E2F7: variants seen among roughly 807,000 people sequenced by gnomAD.
The protein encoded by E2F7 is E2F transcription factor 7.
In E2F7, 35 loss-of-function variants were observed where a neutral mutation model predicts 81.1. The ratio of observed to expected loss-of-function variants is 0.43; its 90% confidence interval spans 0.33 to 0.57. The LOEUF is 0.57. Among genes scored for constraint, E2F7 ranks in the 20% least tolerant of loss-of-function variants. The probability of loss-of-function intolerance (pLI) is 0.04; values close to 1 mark genes in which losing one functional copy is unlikely to be tolerated. For missense variants in E2F7, 961 were observed against 1,093.7 expected, an observed-to-expected ratio of 0.88 and a Z score of 1.71; for synonymous variants, 416 against 416.2, an observed-to-expected ratio of 1.00 and a Z score of 0.01.
chr12:77,064,934 T>G (rs746269009), intron 1 of E2F7, among the ~76,000 whole-genome samples: 3 of 152,166 alleles, frequency 2.0e-5, no homozygotes, highest in Non-Finnish European at 2.9e-5. Flanking sequence ...GGAAGGGTGT[T>G]GGGCAAATCT....
chr12:77,033,436 T>C (rs1954822542), intron 8 of E2F7, among the ~76,000 whole-genome samples: 1 of 152,122 alleles, frequency 6.6e-6, no homozygotes, highest in Non-Finnish European at 1.5e-5. Context: ...TCTTTAAGTC[T>C]GAGAGGTCAA....
intron 4 of E2F7, among the ~76,000 whole-genome samples, chr12:77,047,767 C>T (rs1203014994): frequency 6.6e-6 from 1 of 152,234 alleles, no homozygotes; most frequent in Non-Finnish European, 1.5e-5. Flanking sequence ...GTTACCCTCA[C>T]AAGCTCAGGC....
At chr12:77,044,506 T>G (rs546770996) in intron 6 of E2F7, 131 bp downstream of exon 6, 72 of 1,188,852 alleles carry the variant, frequency 6.1e-5, no homozygotes, top group Non-Finnish European at 7.8e-5. Context: ...CCAAAAACCT[T>G]GATGAATGCA....
intron 7 of E2F7, among the ~76,000 whole-genome samples, chr12:77,038,244 G>A (rs310789): frequency 0.81 from 122,504 of 152,064 alleles, 49,603 homozygotes; most frequent in African/African-American, 0.83. Flanking sequence ...TGCTAGAACA[G>A]GTAAACATAA....
intron 2 of E2F7, among the ~76,000 whole-genome samples, chr12:77,062,791 G>T (rs887616054): frequency 6.6e-6 from 1 of 151,192 alleles, no homozygotes; most frequent in South Asian, 2.1e-4. Context: ...ATCCAAATTG[G>T]AAAGGAAAAC....
rs1267062417 is a variant in E2F7 at position 77,055,915 on chromosome 12, C to T, written c.309G>A (p.Lys103=). Residue 103 remains lysine (K), a synonymous_variant, in exon 3 of 13, where the codon AAG becomes AAA. Transcript: ENST00000322886. The part of the protein sequence containing the change: ...AASPDIRDRE[K]KKGLFRPIEN... ...CAATGGGTCGGAATAGTCCCTTTTT[C>T]TTCTCCCGGTCCCTTATATCTGGGC... The T allele has an allele frequency of 2.5e-6, 4 of 1,613,780 alleles. No homozygotes were observed. The highest frequency in any genetic ancestry group is 3.4e-6 in the Non-Finnish European group (4 of 1,179,890).
rs142051653 is a variant in E2F7, at chr12:77,056,773, C to T, written c.94-643G>A. Among the ~76,000 whole-genome samples, 582 of 152,234 alleles carry T rather than the reference C, an allele frequency of 3.8e-3. 6 individuals carry two copies. Among genetic ancestry groups the T allele is most frequent in the Non-Finnish European group, 2.9e-3 (200 of 68,022 alleles). On this transcript the variant is annotated intron_variant, in intron 2 of 12. Transcript: ENST00000322886. Reference sequence around the variant, plus strand: ...CACAACTCCCACCAGATGTGATTTGCCATTTGAGTTTGTCACTCAAACTGA... The same window carrying T: ...CACAACTCCCACCAGATGTGATTTGTCATTTGAGTTTGTCACTCAAACTGA...
intron 3 of E2F7, among the ~76,000 whole-genome samples, chr12:77,051,547 T>C (rs922480566): frequency 6.6e-6 from 1 of 152,106 alleles, no homozygotes; most frequent in Non-Finnish European, 1.5e-5. Flanking sequence ...AATGATGAGT[T>C]AATGGGTGCA....
chr12:77,025,085 TACACAC>T (rs1487569825), intron 12 of E2F7, among the ~76,000 whole-genome samples: 5 of 152,256 alleles, frequency 3.3e-5, no homozygotes, highest in African/African-American at 9.6e-5. Context: ...ACAGACATTA[TACACAC>T]ACACAGTCTC....
chr12:77,042,761 G>A (rs1020208374), intron 7 of E2F7, among the ~76,000 whole-genome samples: 1 of 152,144 alleles, frequency 6.6e-6, no homozygotes, highest in African/African-American at 2.4e-5. Flanking sequence ...TTCAAAAGAG[G>A]TGTCATTTTT....
rs746204124 is a variant in E2F7 at position 77,037,901 on chromosome 12, TG to T, written c.1124-3860del. Among the ~76,000 whole-genome samples, 5 of 152,200 alleles carry T rather than the reference TG, an allele frequency of 3.3e-5. No homozygotes were observed. The South Asian group carries it at 1.0e-3, about 32-fold the overall frequency. On this transcript the variant is annotated intron_variant, in intron 7 of 12. Coordinates refer to ENST00000322886, the MANE Select transcript of E2F7 (RefSeq NM_203394.3). ...GATTTAAAAAAATTCAACTATATAC[TG>T]CCCACCAGACACTCACATTAAATAG...
intron 7 of E2F7, among the ~76,000 whole-genome samples, chr12:77,035,404 G>A (rs1201954949): frequency 1.3e-5 from 2 of 152,204 alleles, no homozygotes; most frequent in East Asian, 3.9e-4. Context: ...AGGGTACAAT[G>A]CAGCTCATAT....
At position 77,043,243 on chromosome 12, in the gene E2F7, C is replaced by G. The variant is rs759340916; in HGVS notation, c.989-44G>C. 95 of 1,610,598 alleles carry G rather than the reference C, an allele frequency of 5.9e-5. No homozygotes were observed. The East Asian group carries it at 1.8e-3, about 31-fold the overall frequency. On this transcript the variant is annotated intron_variant, in intron 6 of 12. Coordinates refer to ENST00000322886, the MANE Select transcript of E2F7 (RefSeq NM_203394.3). ...GATTACGGTCATGCTGCCTGTGACA[C>G]CATGACAGTTTAGTTTATGTGACAG...
intron 11 of E2F7, among the ~76,000 whole-genome samples, chr12:77,027,497 C>G (rs113648299): frequency 0.012 from 1,826 of 152,306 alleles, 23 homozygotes; most frequent in African/African-American, 0.041. Context: ...CCAGACCTGG[C>G]ACTTGGCCAC....
At position 77,044,659 on chromosome 12, in the gene E2F7, G is replaced by A. The variant is rs759377165; in HGVS notation, c.966C>T (p.Ala322=). 1.2e-6 allele frequency: 2 copies of A among 1,614,044 alleles called. No individual in the cohort carries two copies. Among genetic ancestry groups the A allele is most frequent in the East Asian group, 4.5e-5 (2 of 44,870 alleles). The change falls in exon 6 of 13, where the codon GCC becomes GCT. Residue 322 remains alanine, a synonymous_variant. Transcript: ENST00000322886. The part of the protein sequence containing the change: ...AKILIEESQD[A]PDHSKFKTKV... ...TACTTTTAAATTTACTATGGTCTGG[G>A]GCATCTTGGCTTTCTTCTATCAGTA...
At chr12:77,036,268 A>G (rs1416970829) in intron 7 of E2F7, among the ~76,000 whole-genome samples, 1 of 152,226 alleles carries the variant, frequency 6.6e-6, no homozygotes, top group African/African-American at 2.4e-5. Context: ...GAGAAACTTA[A>G]AAGCAACCAG....
chr12:77,048,876 T>G (rs1165655958), intron 4 of E2F7, among the ~76,000 whole-genome samples: 3 of 152,200 alleles, frequency 2.0e-5, no homozygotes, highest in Admixed American at 6.5e-5. Flanking sequence ...ATCCTTTGTC[T>G]TCTGCAGTGA....
intron 8 of E2F7, 112 bp downstream of exon 8, chr12:77,033,741 ACAGC>A: frequency 9.1e-7 from 1 of 1,095,178 alleles, no homozygotes; most frequent in Non-Finnish European, 1.3e-6. Flanking sequence ...ACTGGAAAAA[ACAGC>A]CAGGGCTGAG....
At chr12:77,060,923 A>G (rs1955072972) in intron 2 of E2F7, among the ~76,000 whole-genome samples, 1 of 152,214 alleles carries the variant, frequency 6.6e-6, no homozygotes, top group African/African-American at 2.4e-5. Context: ...AGTCAATGGC[A>G]AAATATCTTA....
Sources: allele counts gnomAD v4.1 joint callset (sites outside exome capture counted in the v4.1 genomes callset), GRCh38; gene constraint gnomAD v4.1.1; transcripts MANE v1.5; gene names NCBI Gene and HGNC (gene_info 2026-07-23, HGNC 2026-07-21).